Variants in ROBO1 observed in about 807,000 individuals in gnomAD.
ROBO1 encodes roundabout homolog 1.
Under a neutral mutation model 195.9 loss-of-function variants are expected in ROBO1, and 149 were observed. That is an observed-to-expected ratio of 0.76 (90% confidence interval 0.67 to 0.87). The LOEUF is 0.87. Among genes scored for constraint, ROBO1 ranks in the 40% least tolerant of loss-of-function variants. ROBO1 has a pLI of 0.00. For missense variants in ROBO1, 1,933 were observed against 2,068.3 expected, an observed-to-expected ratio of 0.93 and a Z score of 1.27; for synonymous variants, 816 against 733.2, an observed-to-expected ratio of 1.11 and a Z score of -1.82.
intron 2 of ROBO1, among the ~76,000 whole-genome samples, chr3:79,464,181 C>T (rs978418111): frequency 2.6e-5 from 4 of 152,092 alleles, no homozygotes; most frequent in Non-Finnish European, 4.4e-5. Flanking sequence ...TTAATTGATA[C>T]TTGGGTTTTC....
chr3:79,391,392 T>G (rs2036944489), intron 2 of ROBO1, among the ~76,000 whole-genome samples: 1 of 152,168 alleles, frequency 6.6e-6, no homozygotes. Flanking sequence ...TTTTTACAAT[T>G]TTTAAAAAAT....
chr3:78,629,307 T>TAAA (rs34532622), intron 25 of ROBO1, among the ~76,000 whole-genome samples: 56 of 151,788 alleles, frequency 3.7e-4, no homozygotes, highest in Non-Finnish European at 5.7e-4. Context: ...GCTTTTTTTT[T>TAAA]AAAAAAAACC....
intron 2 of ROBO1, among the ~76,000 whole-genome samples, chr3:79,190,860 T>C (rs1427506996): frequency 6.6e-6 from 1 of 151,598 alleles, no homozygotes; most frequent in Admixed American, 6.6e-5. Flanking sequence ...TTAATGACTA[T>C]GTGAAGGAAT....
intron 3 of ROBO1, among the ~76,000 whole-genome samples, chr3:78,969,670 A>C (rs1483487727): frequency 6.6e-6 from 1 of 152,152 alleles, no homozygotes; most frequent in Non-Finnish European, 1.5e-5. Flanking sequence ...GCCTATTGTG[A>C]CGTGTCTGGC....
chr3:79,628,357 A>T (rs1198246187), intron 1 of ROBO1, among the ~76,000 whole-genome samples: 3 of 152,198 alleles, frequency 2.0e-5, no homozygotes, highest in African/African-American at 7.2e-5. Flanking sequence ...GCTGGAAGCC[A>T]TAATCCTCAG....
chr3:78,938,506 CT>C, intron 4 of ROBO1, 94 bp downstream of exon 4: 1 of 1,049,276 alleles, frequency 9.5e-7, no homozygotes, highest in Non-Finnish European at 1.4e-6. Context: ...CAGGTAAGGC[CT>C]GAGATACAAA....
At chr3:79,731,813 T>C (rs945909929) in intron 1 of ROBO1, among the ~76,000 whole-genome samples, 2 of 152,150 alleles carry the variant, frequency 1.3e-5, no homozygotes, top group Admixed American at 1.3e-4. Flanking sequence ...AACTTGAGAA[T>C]ATACAAATCA....
intron 4 of ROBO1, among the ~76,000 whole-genome samples, chr3:78,858,342 G>C (rs886431023): frequency 6.6e-6 from 1 of 152,086 alleles, no homozygotes; most frequent in Non-Finnish European, 1.5e-5. Flanking sequence ...GACTGTTGAT[G>C]ATGAACTATG....
chr3:79,175,875 AT>A (rs2078979793), intron 2 of ROBO1, among the ~76,000 whole-genome samples: 1 of 152,182 alleles, frequency 6.6e-6, no homozygotes, highest in East Asian at 1.9e-4. Context: ...TGCTATATAC[AT>A]GTTGTATGAA....
intron 2 of ROBO1, among the ~76,000 whole-genome samples, chr3:79,248,734 G>C (rs927398414): frequency 2.6e-5 from 4 of 152,136 alleles, no homozygotes; most frequent in African/African-American, 9.7e-5. Flanking sequence ...TGATAGAATA[G>C]AGTAACATAA....
At chr3:79,042,008 C>G (rs2078495792) in intron 3 of ROBO1, among the ~76,000 whole-genome samples, 1 of 151,990 alleles carries the variant, frequency 6.6e-6, no homozygotes, top group Non-Finnish European at 1.5e-5. Context: ...TTGGTAACAC[C>G]CAAGGGAGGC....
chr3:79,487,106 G>A (rs907093486), intron 2 of ROBO1, among the ~76,000 whole-genome samples: 1 of 141,658 alleles, frequency 7.1e-6, no homozygotes, highest in African/African-American at 2.7e-5. Context: ...AAATGATAAA[G>A]AGAGTTCCCA....
intron 4 of ROBO1, among the ~76,000 whole-genome samples, chr3:78,936,624 A>G (rs575014506): frequency 6.6e-6 from 1 of 152,120 alleles, no homozygotes; most frequent in East Asian, 1.9e-4. Context: ...CAATTACTAT[A>G]TGAGCTATTG....
chr3:79,377,063 AC>A (rs11329552), intron 2 of ROBO1, among the ~76,000 whole-genome samples: 88,974 of 151,838 alleles, frequency 0.59, 26,305 homozygotes, highest in African/African-American at 0.65. Flanking sequence ...TAAAAAGTGA[AC>A]CAGCCGAAGA....
At chr3:79,646,636 A>T (rs1161662886) in intron 1 of ROBO1, among the ~76,000 whole-genome samples, 1 of 152,202 alleles carries the variant, frequency 6.6e-6, no homozygotes, top group Non-Finnish European at 1.5e-5. Flanking sequence ...TATTCATAAT[A>T]GCCAAAATAT....
At chr3:79,292,123 A>G (rs905453360) in intron 2 of ROBO1, among the ~76,000 whole-genome samples, 1 of 152,110 alleles carries the variant, frequency 6.6e-6, no homozygotes, top group Non-Finnish European at 1.5e-5. Flanking sequence ...TAGGTATTTT[A>G]TTCTATTTGT....
At chr3:78,688,582 T>G in intron 9 of ROBO1, 66 bp downstream of exon 9, 1 of 1,459,622 alleles carries the variant, frequency 6.9e-7, no homozygotes. Flanking sequence ...TGTTGGTTTT[T>G]CTTCTCATAC....
At chr3:78,745,257 G>A (rs1444428756) in intron 5 of ROBO1, among the ~76,000 whole-genome samples, 3 of 146,710 alleles carry the variant, frequency 2.0e-5, no homozygotes, top group Non-Finnish European at 4.4e-5. Context: ...TCAGTGAGCC[G>A]AGATCGTGCC....
At chr3:79,096,339 A>C (rs1461047574) in intron 3 of ROBO1, among the ~76,000 whole-genome samples, 2 of 151,964 alleles carry the variant, frequency 1.3e-5, no homozygotes, top group Admixed American at 6.6e-5. Context: ...TTTAGAATGT[A>C]GAAAATACAA....
Sources: gnomAD v4.1 joint callset for allele counts (sites outside exome capture counted in the v4.1 genomes callset) on GRCh38, gnomAD v4.1.1 for gene constraint, MANE v1.5 for transcripts, NCBI Gene and HGNC (gene_info 2026-07-23, HGNC 2026-07-21) for gene names.